The following INTS4 variants were observed in gnomAD, a reference collection of about 807,000 sequenced individuals.
INTS4 encodes the protein MSTP093.
Under a neutral mutation model 119.5 loss-of-function variants are expected in INTS4, and 70 were observed. That is an observed-to-expected ratio of 0.59 (90% CI 0.48 to 0.71). INTS4 has a LOEUF of 0.71. INTS4 is among the 30% of genes least tolerant of loss of function. The pLI, the probability that INTS4 is intolerant of heterozygous loss-of-function variation, is 0.00. For synonymous variants in INTS4, 316 were observed against 419.6 expected, an observed-to-expected ratio of 0.75 and a Z score of 3.02; for missense variants, 867 against 1,173.2, an observed-to-expected ratio of 0.74 and a Z score of 3.81.
At chr11:77,920,979 CA>C (rs553379099) in intron 14 of INTS4, among the ~76,000 whole-genome samples, 2 of 150,326 alleles carry the variant, frequency 1.3e-5, no homozygotes, top group Admixed American at 6.6e-5. Context: ...CCAGGGACAC[CA>C]AAAAAAATGA....
At chr11:77,969,300 AC>A (rs1377645221) in intron 4 of INTS4, among the ~76,000 whole-genome samples, 3 of 152,120 alleles carry the variant, frequency 2.0e-5, no homozygotes, top group African/African-American at 7.2e-5. Flanking sequence ...CTCCCAGAAA[AC>A]GTACGCAATT....
intron 7 of INTS4, among the ~76,000 whole-genome samples, chr11:77,956,524 T>C (rs1954325735): frequency 6.6e-6 from 1 of 152,056 alleles, no homozygotes; most frequent in African/African-American, 2.4e-5. Context: ...CTGGCCAACA[T>C]GGCGAAACCT....
chr11:77,909,586 T>C (rs1001991470), intron 15 of INTS4, among the ~76,000 whole-genome samples: 15 of 152,318 alleles, frequency 9.8e-5, no homozygotes, highest in Middle Eastern at 3.4e-3. Context: ...GGGGTTAGGA[T>C]TGCAGTATAT....
At chr11:77,898,082 C>G (rs1168046856) in intron 18 of INTS4, among the ~76,000 whole-genome samples, 1 of 152,098 alleles carries the variant, frequency 6.6e-6, no homozygotes, top group Admixed American at 6.6e-5. Flanking sequence ...CTCCCAAAGT[C>G]TGGGATTACA....
At chr11:77,994,499 A>T (rs890084633) in intron 1 of INTS4, 91 bp downstream of exon 1, 66 of 995,484 alleles carry the variant, frequency 6.6e-5, no homozygotes, top group Non-Finnish European at 1.0e-4. Context: ...ACACGGGCGT[A>T]TGGAGCCTCT....
intron 16 of INTS4, among the ~76,000 whole-genome samples, chr11:77,907,270 C>A (rs377515482): frequency 1.3e-5 from 2 of 152,122 alleles, no homozygotes; most frequent in Non-Finnish European, 2.9e-5. Flanking sequence ...GATGAGGTGT[C>A]GCTATGTTGC....
downstream of INTS4, among the ~76,000 whole-genome samples, chr11:77,878,089 G>A (rs564625047): frequency 1.1e-4 from 16 of 152,246 alleles, no homozygotes; most frequent in Middle Eastern, 6.8e-3. Flanking sequence ...AAAGCAAGGC[G>A]CGGTTGCTCA....
chr11:77,919,348 A>G (rs2136474837), intron 14 of INTS4, among the ~76,000 whole-genome samples: 1 of 151,916 alleles, frequency 6.6e-6, no homozygotes, highest in Non-Finnish European at 1.5e-5. Flanking sequence ...GTGCAATGGT[A>G]CCATCTCGGC....
At chr11:77,921,752 C>T (rs556450921) in intron 13 of INTS4, among the ~76,000 whole-genome samples, 1 of 152,294 alleles carries the variant, frequency 6.6e-6, no homozygotes, top group South Asian at 2.1e-4. Context: ...ACATACTGGA[C>T]AGGCATGGTG....
intron 8 of INTS4, among the ~76,000 whole-genome samples, chr11:77,953,177 C>A (rs1291948095): frequency 6.6e-6 from 1 of 152,208 alleles, no homozygotes; most frequent in Non-Finnish European, 1.5e-5. Context: ...ATCACCGGAT[C>A]AGTGTCCAGT....
At chr11:77,944,510 T>C (rs1954001773) in intron 8 of INTS4, among the ~76,000 whole-genome samples, 1 of 152,180 alleles carries the variant, frequency 6.6e-6, no homozygotes, top group African/African-American at 2.4e-5. Flanking sequence ...AAGCCTTCTG[T>C]GGTTGTGGTT....
rs185344513 is a variant in INTS4, at chr11:77,957,080, G to A, written c.798-1018C>T. On this transcript the variant is annotated intron_variant, in intron 7 of 22. Coordinates refer to ENST00000534064, the MANE Select transcript of INTS4 (RefSeq NM_033547.4). ...CTCCTGAGTAGCCGGGACTACAAAAGCATGCCACCACACCCAGCTAATTTT... is the reference window on the plus strand; with the variant it reads ...CTCCTGAGTAGCCGGGACTACAAAAACATGCCACCACACCCAGCTAATTTT... Among the ~76,000 whole-genome samples the A allele has an allele frequency of 5.1e-3, 777 of 152,108 alleles. 3 individuals carry two copies. Among genetic ancestry groups the A allele is most frequent in the African/African-American group, 0.018 (733 of 41,504 alleles).
rs1951885511 is a variant in INTS4, at chr11:77,883,862, G to C, written c.2683C>G (p.Gln895Glu). ...CAAGCGGTGTGGGAGAGATAAACCTGAGTGATGAGCCGGTGCCGCCCTGGG... is the reference window on the plus strand; with the variant it reads ...CAAGCGGTGTGGGAGAGATAAACCTCAGTGATGAGCCGGTGCCGCCCTGGG... The part of the protein sequence containing the change: ...PGPGRHRLIT[Q>E]VYLSHTAWTE... The change falls in exon 22 of 23, where the codon CAG (glutamine) becomes GAG (glutamate). Residue 895 changes from glutamine (Q) to glutamate (E), a missense_variant. Gln to Glu is a conservative substitution (Grantham distance 29). Coordinates refer to ENST00000534064, the MANE Select transcript of INTS4 (RefSeq NM_033547.4). The C allele has an allele frequency of 6.2e-7, 1 of 1,612,744 alleles. No individual in the cohort carries two copies.
At position 77,960,831 on chromosome 11, in the gene INTS4, C is replaced by G. The variant is rs1366292056; in HGVS notation, c.657+122G>C. 2.3e-5 allele frequency: 21 copies of G among 903,736 alleles called. No homozygotes were observed. The East Asian group carries it at 5.2e-4, about 22-fold the overall frequency. The allele number at this position is 903,736 out of a possible 1,614,324, so 56.0% of individuals were successfully genotyped here. On this transcript the variant is annotated intron_variant, in intron 5 of 22. Transcript: ENST00000534064. ...GTGTCACTGAGTTCTGCGAGGCCAC[C>G]ACCAATACCCTCCTGAAAGTATATG... is the stretch of plus-strand genomic sequence containing the variant.
chr11:77,902,774 C>T (rs1316376085), intron 17 of INTS4, among the ~76,000 whole-genome samples: 2 of 152,286 alleles, frequency 1.3e-5, no homozygotes, highest in East Asian at 3.9e-4. Context: ...AGTCTCAATA[C>T]TCAGGTGCAA....
chr11:77,894,730 A>G (rs975229059), intron 18 of INTS4, among the ~76,000 whole-genome samples: 11 of 152,190 alleles, frequency 7.2e-5, no homozygotes, highest in African/African-American at 2.4e-4. Context: ...TACCTACCTG[A>G]TTTAGATCTC....
chr11:77,978,856 T>TA (rs1319271029), intron 4 of INTS4, 140 bp downstream of exon 4: 4 of 561,490 alleles, frequency 7.1e-6, no homozygotes, highest in African/African-American at 3.8e-5. Context: ...AAATACACTT[T>TA]ATAACAAGTG....
At chr11:77,988,345 A>G (rs1856538990) in intron 2 of INTS4, among the ~76,000 whole-genome samples, 1 of 152,250 alleles carries the variant, frequency 6.6e-6, no homozygotes, top group Non-Finnish European at 1.5e-5. Flanking sequence ...ATGTATCACA[A>G]AAGCATCAAT....
intron 8 of INTS4, among the ~76,000 whole-genome samples, chr11:77,947,423 T>A (rs1448515984): frequency 6.6e-6 from 1 of 152,162 alleles, no homozygotes; most frequent in Non-Finnish European, 1.5e-5. Context: ...GTCAAGAGAA[T>A]CTCCATTACT....
Sources: allele counts gnomAD v4.1 joint callset (sites outside exome capture counted in the v4.1 genomes callset), GRCh38; gene constraint gnomAD v4.1.1; transcripts MANE v1.5; gene names NCBI Gene and HGNC (gene_info 2026-07-23, HGNC 2026-07-21).